The following TRAPPC8 variants were observed in gnomAD, a reference collection of about 807,000 sequenced individuals.
TRAPPC8 encodes the protein general sporulation gene 1 homolog.
In TRAPPC8, 54 loss-of-function variants were observed where a neutral mutation model predicts 174.3. The ratio of observed to expected loss-of-function variants is 0.31; its 90% CI spans 0.25 to 0.39. The LOEUF is 0.39. TRAPPC8 is among the 10% of genes least tolerant of loss of function. The probability of loss-of-function intolerance (pLI) is 1.00; values close to 1 mark genes in which losing one functional copy is unlikely to be tolerated. For missense variants in TRAPPC8, 1,531 were observed against 1,699.1 expected (o/e 0.90, Z 1.74); for synonymous variants, 630 against 579.9 (o/e 1.09, Z -1.24).
At chr18:31,924,091 C>CT (rs2037505349) in intron 2 of TRAPPC8, among the ~76,000 whole-genome samples, 1 of 151,760 alleles carries the variant, frequency 6.6e-6, no homozygotes, top group African/African-American at 2.4e-5. Flanking sequence ...TGAGACCAGC[C>CT]TGGCCAACGT....
At chr18:31,874,857 T>A (rs978644310) in intron 12 of TRAPPC8, among the ~76,000 whole-genome samples, 153 bp from the exon 13 acceptor site, 1 of 152,208 alleles carries the variant, frequency 6.6e-6, no homozygotes, top group Admixed American at 6.5e-5. Flanking sequence ...ACATTTATGA[T>A]AATCCCTTCA....
Position 31,871,089 on chromosome 18 carries a change from A to G in TRAPPC8, c.2094T>C (p.Leu698=), listed in dbSNP as rs1423420608. 13 of 1,586,628 alleles carry G rather than the reference A, an allele frequency of 8.2e-6. No homozygotes were observed. Among genetic ancestry groups the G allele is most frequent in the Non-Finnish European group, 1.1e-5 (13 of 1,163,510 alleles). ...AGGATTCAGAATCATATTCTTGATC[A>G]AGACTTACATGAGTAGCTGCTTGTT... ...GEKQAATHVS[L]DQEYDSESSQ... The change falls in exon 15 of 29, where the codon CTT becomes CTC. Residue 698 remains leucine (L), a synonymous_variant. Coordinates refer to ENST00000283351, the MANE Select transcript of TRAPPC8 (RefSeq NM_014939.5).
In TRAPPC8 at chr18:31,849,659, C is replaced by G; in HGVS notation, c.3642G>C (p.Leu1214Phe). ...TTGACTGTTTTTCTGTATGCACAGG[C>G]AAGTGAGCTTGTGGTTTTTTCAATT... ...SSELKKPQAH[L>F]PVHTEKQSTE... The change falls in exon 25 of 29, where the codon TTG (leucine) becomes TTC (phenylalanine). Residue 1214 changes from leucine (L) to phenylalanine (F), a missense_variant. Transcript: ENST00000283351. The G allele has an allele frequency of 3.7e-6, 6 of 1,612,952 alleles. No homozygotes were observed. Among genetic ancestry groups the G allele is most frequent in the Non-Finnish European group, 5.1e-6 (6 of 1,179,492 alleles).
intron 24 of TRAPPC8, among the ~76,000 whole-genome samples, chr18:31,852,172 C>T (rs1325851574): frequency 6.6e-6 from 1 of 151,408 alleles, no homozygotes; most frequent in East Asian, 2.0e-4. Context: ...AGACCCTGGT[C>T]TCTATAAAAA....
At chr18:31,937,078 G>C (rs2038138278) in intron 1 of TRAPPC8, among the ~76,000 whole-genome samples, 1 of 152,042 alleles carries the variant, frequency 6.6e-6, no homozygotes. Context: ...GCCAGGCGTG[G>C]TGGTGGGCGC....
chr18:31,867,601 A>AC, intron 16 of TRAPPC8, 125 bp from the exon 17 acceptor site: 1 of 634,358 alleles, frequency 1.6e-6, no homozygotes, highest in South Asian at 2.3e-5. Flanking sequence ...GGTTTTTACC[A>AC]CATGCTGAGC....
At chr18:31,908,717 A>T in intron 7 of TRAPPC8, 37 bp downstream of exon 7, 1 of 1,487,064 alleles carries the variant, frequency 6.7e-7, no homozygotes, top group Non-Finnish European at 8.9e-7. Flanking sequence ...TATTTACTTA[A>T]ATTTTTAAAA....
chr18:31,935,954 G>T (rs957998366), intron 1 of TRAPPC8, among the ~76,000 whole-genome samples: 3 of 151,314 alleles, frequency 2.0e-5, no homozygotes, highest in African/African-American at 7.3e-5. Context: ...GGCCACGCCG[G>T]TCTCAAACTC....
At chr18:31,877,093 A>C (rs186856489) in intron 12 of TRAPPC8, among the ~76,000 whole-genome samples, 60 of 152,202 alleles carry the variant, frequency 3.9e-4, no homozygotes, top group African/African-American at 1.4e-3. Flanking sequence ...GGAAGGGGGG[A>C]CAGTAGCCTG....
At chr18:31,860,504 T>C (rs751888947) in intron 19 of TRAPPC8, among the ~76,000 whole-genome samples, 1 of 152,214 alleles carries the variant, frequency 6.6e-6, no homozygotes, top group Non-Finnish European at 1.5e-5. Flanking sequence ...GTAACTTTCA[T>C]TCTCACCCTT....
chr18:31,904,976 G>A (rs891082526), intron 9 of TRAPPC8, among the ~76,000 whole-genome samples: 32 of 151,118 alleles, frequency 2.1e-4, no homozygotes, highest in Non-Finnish European at 3.7e-4. Flanking sequence ...GATGCAGTGA[G>A]CTGAGATCAA....
intron 1 of TRAPPC8, among the ~76,000 whole-genome samples, chr18:31,940,252 G>T (rs190583225): frequency 5.3e-4 from 80 of 152,038 alleles, no homozygotes; most frequent in African/African-American, 1.9e-3. Flanking sequence ...GGAGGCGGGC[G>T]GACCACGAGG....
At chr18:31,845,271 G>C (rs960813756) in intron 26 of TRAPPC8, 2 of 151,938 alleles carry the variant, frequency 1.3e-5, no homozygotes, top group Non-Finnish European at 2.9e-5. Context: ...TAAAGGCTAA[G>C]TAACTGTTTC....
chr18:31,925,392 CAA>C (rs2037570210), intron 2 of TRAPPC8, among the ~76,000 whole-genome samples: 2 of 151,750 alleles, frequency 1.3e-5, no homozygotes, highest in African/African-American at 2.4e-5. Context: ...AAAAAAACCC[CAA>C]AAAGACACCA....
rs139974417 is a variant in TRAPPC8 at position 31,892,243 on chromosome 18, T to C, written c.1597-1377A>G. Among the ~76,000 whole-genome samples, 439 of 152,242 alleles carry C rather than the reference T, an allele frequency of 2.9e-3. 3 individuals are homozygous for C. The highest frequency in any genetic ancestry group is 0.01 in the African/African-American group (421 of 41,568). ...TATTCTTTACAGCTTAATAGTGTTG[T>C]GTCATGTCACCCCTCCTATATATGT... On this transcript the variant is annotated intron_variant, in intron 11 of 28. Transcript: ENST00000283351.
At chr18:31,852,562 A>G (rs2033768093) in intron 23 of TRAPPC8, 33 bp downstream of exon 23, 1 of 1,613,728 alleles carries the variant, frequency 6.2e-7, no homozygotes, top group Non-Finnish European at 8.5e-7. Flanking sequence ...TAAAATGACC[A>G]TTTAGTAAAG....
chr18:31,855,319 G>T (rs928412208), intron 21 of TRAPPC8, among the ~76,000 whole-genome samples: 2 of 152,242 alleles, frequency 1.3e-5, no homozygotes, highest in Non-Finnish European at 2.9e-5. Flanking sequence ...AATATTGAAT[G>T]TGATATATTA....
At chr18:31,940,777 G>A (rs958484850) in intron 1 of TRAPPC8, among the ~76,000 whole-genome samples, 7 of 152,066 alleles carry the variant, frequency 4.6e-5, no homozygotes, top group Admixed American at 1.3e-4. Flanking sequence ...GATTACAAGC[G>A]TGAGCCACCG....
At chr18:31,916,249 T>G in intron 4 of TRAPPC8, 23 bp downstream of exon 4, 9 of 1,444,112 alleles carry the variant, frequency 6.2e-6, no homozygotes, top group Non-Finnish European at 8.2e-6. Flanking sequence ...TGGAAAAAAT[T>G]TAAAACTAAA....
Sources: gnomAD v4.1 joint callset for allele counts (sites outside exome capture counted in the v4.1 genomes callset) on GRCh38, gnomAD v4.1.1 for gene constraint, MANE v1.5 for transcripts, NCBI Gene and HGNC (gene_info 2026-07-23, HGNC 2026-07-21) for gene names.